Variants in LHFPL3 observed in about 807,000 individuals in gnomAD.
LHFPL3 encodes LHFPL tetraspan subfamily member 3 protein.
In LHFPL3, 5 loss-of-function variants were observed where a neutral mutation model predicts 19.3. The ratio of observed to expected loss-of-function variants is 0.26; its 90% CI spans 0.14 to 0.54. The LOEUF (loss-of-function observed/expected upper bound fraction) is 0.54, where lower values mean the gene tolerates loss of function less well. Among genes scored for constraint, LHFPL3 ranks in the 20% least tolerant of loss-of-function variants. The pLI is 0.94. For synonymous variants in LHFPL3, 133 were observed against 126.2 expected (o/e 1.05, Z -0.36); for missense variants, 249 against 307.4 (o/e 0.81, Z 1.42).
chr7:104,542,178 C>T (rs561810256), intron 1 of LHFPL3, among the ~76,000 whole-genome samples: 5 of 152,068 alleles, frequency 3.3e-5, no homozygotes, highest in Middle Eastern at 6.8e-3. Context: ...CAAAACGAGG[C>T]GTGGCTTGGG....
chr7:104,508,365 A>C (rs1464031998), intron 1 of LHFPL3, among the ~76,000 whole-genome samples: 1 of 150,688 alleles, frequency 6.6e-6, no homozygotes, highest in African/African-American at 2.4e-5. Flanking sequence ...AAGAACAAAA[A>C]ACCAAACACC....
intron 1 of LHFPL3, among the ~76,000 whole-genome samples, chr7:104,560,517 G>A (rs1218750543): frequency 1.3e-4 from 18 of 141,472 alleles, no homozygotes; most frequent in South Asian, 4.6e-4. Flanking sequence ...CTGTGGGATC[G>A]GTGGTGATAT....
intron 1 of LHFPL3, among the ~76,000 whole-genome samples, chr7:104,350,913 G>A (rs188587664): frequency 1.3e-5 from 2 of 152,092 alleles, no homozygotes; most frequent in East Asian, 1.9e-4. Flanking sequence ...GGTGGCTTAC[G>A]CCTGTAATCC....
chr7:104,411,590 C>T (rs542782218), intron 1 of LHFPL3, among the ~76,000 whole-genome samples: 4 of 152,056 alleles, frequency 2.6e-5, no homozygotes, highest in Non-Finnish European at 5.9e-5. Flanking sequence ...AGTTTCAGAA[C>T]AATAAAAATA....
chr7:104,658,141 T>A (rs1792153183), intron 1 of LHFPL3, among the ~76,000 whole-genome samples: 1 of 152,260 alleles, frequency 6.6e-6, no homozygotes, highest in African/African-American at 2.4e-5. Context: ...GCTTGGTATT[T>A]AATGCTGACT....
chr7:104,400,104 CAAAAAAAAAAAAAAAAAAAAAAAAAA>C (rs398005676), intron 1 of LHFPL3, among the ~76,000 whole-genome samples: 33 of 25,736 alleles, frequency 1.3e-3, no homozygotes, highest in Admixed American at 2.9e-3. Flanking sequence ...AACTCCATCT[CAAAAAAAAAAAAAAAAAAAAAAAAAA>C]AAAAAAAAAA....
intron 1 of LHFPL3, among the ~76,000 whole-genome samples, chr7:104,421,393 G>A (rs1791729977): frequency 6.6e-6 from 1 of 152,146 alleles, no homozygotes; most frequent in East Asian, 1.9e-4. Flanking sequence ...ACATGTTACA[G>A]ATGGTTACCT....
chr7:104,581,468 T>C (rs1279263020), intron 1 of LHFPL3, among the ~76,000 whole-genome samples: 1 of 152,020 alleles, frequency 6.6e-6, no homozygotes, highest in Non-Finnish European at 1.5e-5. Context: ...CTTTATTATC[T>C]TAATAGTATA....
intron 1 of LHFPL3, among the ~76,000 whole-genome samples, chr7:104,709,987 G>T (rs1793270419): frequency 6.6e-6 from 1 of 152,224 alleles, no homozygotes; most frequent in Non-Finnish European, 1.5e-5. Flanking sequence ...GGAGGTGGAG[G>T]TTGTAGCAAG....
At chr7:104,513,663 A>G (rs948605274) in intron 1 of LHFPL3, among the ~76,000 whole-genome samples, 6 of 152,192 alleles carry the variant, frequency 3.9e-5, no homozygotes, top group Non-Finnish European at 7.3e-5. Context: ...CTCCCCTCCT[A>G]GTATTCACCC....
intron 1 of LHFPL3, among the ~76,000 whole-genome samples, chr7:104,721,380 G>T (rs780816672): frequency 4.6e-5 from 7 of 152,152 alleles, no homozygotes; most frequent in Non-Finnish European, 8.8e-5. Flanking sequence ...ACACACTGGG[G>T]CCTGTCGGGG....
At chr7:104,451,573 A>G (rs1792440021) in intron 1 of LHFPL3, among the ~76,000 whole-genome samples, 1 of 151,968 alleles carries the variant, frequency 6.6e-6, no homozygotes, top group South Asian at 2.1e-4. Flanking sequence ...TAATCATACC[A>G]CACATATCAT....
At chr7:104,557,414 G>A (rs1440476879) in intron 1 of LHFPL3, among the ~76,000 whole-genome samples, 2 of 152,162 alleles carry the variant, frequency 1.3e-5, no homozygotes, top group Non-Finnish European at 2.9e-5. Flanking sequence ...CAAGGAAACT[G>A]TCATTTTTAA....
At chr7:104,858,499 G>A (rs887972163) in intron 2 of LHFPL3, among the ~76,000 whole-genome samples, 1 of 151,990 alleles carries the variant, frequency 6.6e-6, no homozygotes, top group Non-Finnish European at 1.5e-5. Flanking sequence ...CTGCCACTTG[G>A]TACCTCTTTC....
chr7:104,580,643 C>T (rs1790442716), intron 1 of LHFPL3, among the ~76,000 whole-genome samples: 1 of 152,010 alleles, frequency 6.6e-6, no homozygotes, highest in South Asian at 2.1e-4. Context: ...GTAACTCAAA[C>T]ATCTATAAAG....
Position 104,496,369 on chromosome 7 carries a change from T to C in LHFPL3, c.445+167145T>C, listed in dbSNP as rs554797654. ...CACATTTTCTTAATCCAGTCTATCATTGTTGGACCTTTGGGTTGGTTCCAA... is the reference window on the plus strand; with the variant it reads ...CACATTTTCTTAATCCAGTCTATCACTGTTGGACCTTTGGGTTGGTTCCAA... On this transcript the variant is annotated intron_variant, in intron 1 of 2. Transcript: ENST00000424859. 3.0e-4 allele frequency among the ~76,000 whole-genome samples: 46 copies of C among 152,334 alleles called. 1 individual carries two copies. Among genetic ancestry groups the C allele is most frequent in the South Asian group, 1.9e-3 (9 of 4,824 alleles).
chr7:104,810,424 T>C (rs1011572512), intron 2 of LHFPL3, among the ~76,000 whole-genome samples: 2 of 152,092 alleles, frequency 1.3e-5, no homozygotes, highest in African/African-American at 4.8e-5. Context: ...GGCAGGCAAC[T>C]GGAGAGAAGC....
rs542758762 is a variant in LHFPL3 at position 104,645,080 on chromosome 7, C to T, written c.446-91595C>T. ...TCAGGTTTTTCCATTGAATTTTATG[C>T]ATGATTATCTGAATTCTTCATATCG... On this transcript the variant is annotated intron_variant, in intron 1 of 2. Transcript: ENST00000424859. 2.6e-5 allele frequency among the ~76,000 whole-genome samples: 4 copies of T among 152,256 alleles called. No individual in the cohort carries two copies. In the East Asian group the frequency reaches 7.7e-4, roughly 29 times the overall value.
At chr7:104,560,835 C>G (rs1284299090) in intron 1 of LHFPL3, among the ~76,000 whole-genome samples, 3 of 149,998 alleles carry the variant, frequency 2.0e-5, no homozygotes, top group Admixed American at 6.6e-5. Context: ...ATAAATTTCC[C>G]TCTACACATT....
Sources: gnomAD v4.1 joint callset for allele counts (sites outside exome capture counted in the v4.1 genomes callset) on GRCh38, gnomAD v4.1.1 for gene constraint, MANE v1.5 for transcripts, NCBI Gene and HGNC (gene_info 2026-07-23, HGNC 2026-07-21) for gene names.